TMEM233: variants seen among roughly 807,000 people sequenced by gnomAD.
The protein encoded by TMEM233 is transmembrane protein 233, also known as dispanin subfamily B member 2.
In TMEM233, 6 loss-of-function variants were observed where a neutral mutation model predicts 11.2. That is an observed-to-expected ratio of 0.54 (90% CI 0.29 to 1.06). TMEM233 has a LOEUF of 1.06. TMEM233 is among the 50% of genes least tolerant of loss of function. The probability of loss-of-function intolerance (pLI) is 0.08; values close to 1 mark genes in which losing one functional copy is unlikely to be tolerated. For missense variants in TMEM233, 127 were observed against 144.7 expected (o/e 0.88, Z 0.63); for synonymous variants, 59 against 55.8 (o/e 1.06, Z -0.26).
chr12:119,650,498 C>G, the TMEM233 span, among the ~76,000 whole-genome samples: 1 of 152,256 alleles, frequency 6.6e-6, no homozygotes, highest in East Asian at 1.9e-4. Context: ...TAACAGCGTG[C>G]AATGACCTAA....
At chr12:119,648,752 G>GAATGAATT in the TMEM233 span, among the ~76,000 whole-genome samples, 3 of 152,046 alleles carry the variant, frequency 2.0e-5, no homozygotes, top group African/African-American at 7.3e-5. Flanking sequence ...ATGAATGAAT[G>GAATGAATT]AATTAATTAA....
At position 119,629,815 on chromosome 12, in the gene TMEM233, CCAT is replaced by C; in HGVS notation, c.273_275del (p.Ile92del). Reference sequence around the variant, plus strand: ...AATGCTAAGTGGGTAGCCATCGCCTCCATCATCATTGGCCTTCTCATCATCGGC... The same window carrying C: ...AATGCTAAGTGGGTAGCCATCGCCTCCATCATTGGCCTTCTCATCATCGGC... On this transcript the variant is annotated inframe_deletion, in exon 2 of 3. Transcript: ENST00000426426. 1 of 1,551,704 alleles carries C rather than the reference CCAT, an allele frequency of 6.4e-7. No homozygotes were observed. Among genetic ancestry groups the C allele is most frequent in the Non-Finnish European group, 8.7e-7 (1 of 1,146,980 alleles).
chr12:119,623,816 C>T lies in TMEM233; in HGVS notation c.187-5920C>T, dbSNP rs770057350. On this transcript the variant is annotated intron_variant, in intron 1 of 2. Transcript: ENST00000426426. Reference sequence around the variant, plus strand: ...ACACATTAATTCAATGTGAAGTGGGCGCTATTACTATTGCCCCCGATTTAC... The same window carrying T: ...ACACATTAATTCAATGTGAAGTGGGTGCTATTACTATTGCCCCCGATTTAC... Among the ~76,000 whole-genome samples the T allele has an allele frequency of 2.6e-5, 4 of 152,112 alleles. No individual in the cohort carries two copies. In the East Asian group the frequency reaches 5.8e-4, roughly 22 times the overall value.
intron 1 of TMEM233, among the ~76,000 whole-genome samples, chr12:119,604,486 C>T (rs1440029739): frequency 2.0e-5 from 3 of 152,158 alleles, no homozygotes; most frequent in East Asian, 3.9e-4. Flanking sequence ...CTTAATAATA[C>T]TTTGATTCTC....
At chr12:119,645,421 G>C (rs748621602), downstream of TMEM233, among the ~76,000 whole-genome samples, 13 of 151,094 alleles carry the variant, frequency 8.6e-5, no homozygotes, top group Non-Finnish European at 1.2e-4. Flanking sequence ...TAAGTCTGGG[G>C]AATTGCCCTA....
At chr12:119,630,870 C>G (rs1415021858) in intron 2 of TMEM233, among the ~76,000 whole-genome samples, 1 of 152,216 alleles carries the variant, frequency 6.6e-6, no homozygotes, top group African/African-American at 2.4e-5. Context: ...ACTAGCATAA[C>G]TGTTTTAGTT....
At chr12:119,626,524 GGAGAAGGGAGAAGGGAGAAGAGAA>G (rs1954764556) in intron 1 of TMEM233, among the ~76,000 whole-genome samples, 1 of 32,370 alleles carries the variant, frequency 3.1e-5, no homozygotes, top group African/African-American at 1.1e-4. Context: ...GGAGGAGAAG[GGAGAAGGGAGAAGGGAGAAGAGAA>G]GAGAAGAGAA....
intron 1 of TMEM233, among the ~76,000 whole-genome samples, chr12:119,624,838 T>C (rs910874364): frequency 2.0e-5 from 3 of 152,180 alleles, no homozygotes; most frequent in African/African-American, 7.2e-5. Flanking sequence ...GATTAAATTG[T>C]AGGCATATTT....
intron 2 of TMEM233, chr12:119,631,477 G>A: frequency 2.0e-6 from 2 of 985,100 alleles, no homozygotes; most frequent in Non-Finnish European, 2.4e-6. Flanking sequence ...AAATTAAATG[G>A]CTTTGGCCAA....
intron 1 of TMEM233, 42 bp from the exon 2 acceptor site, chr12:119,629,694 T>A (rs1954838217): frequency 6.6e-7 from 1 of 1,524,934 alleles, no homozygotes; most frequent in Admixed American, 2.1e-5. Context: ...CCTTTCCCTG[T>A]GGGTTATCTG....
At chr12:119,614,039 G>T (rs1205487004) in intron 1 of TMEM233, among the ~76,000 whole-genome samples, 2 of 152,010 alleles carry the variant, frequency 1.3e-5, no homozygotes, top group African/African-American at 4.8e-5. Flanking sequence ...CTGCAGGGTT[G>T]GGAAGGGCAG....
chr12:119,624,090 C>T (rs1352813943), intron 1 of TMEM233, among the ~76,000 whole-genome samples: 1 of 152,028 alleles, frequency 6.6e-6, no homozygotes, highest in African/African-American at 2.4e-5. Flanking sequence ...TGGCTCATGC[C>T]TGTAATCCCA....
At chr12:119,615,776 G>A (rs140750714) in intron 1 of TMEM233, among the ~76,000 whole-genome samples, 292 of 152,262 alleles carry the variant, frequency 1.9e-3, no homozygotes, top group Middle Eastern at 0.01. Flanking sequence ...TAGCTTTGCC[G>A]TCTGGTGTGA....
chr12:119,618,617 T>G (rs796167207), intron 1 of TMEM233, among the ~76,000 whole-genome samples: 11 of 152,210 alleles, frequency 7.2e-5, no homozygotes, highest in African/African-American at 2.7e-4. Flanking sequence ...ATTTTGGAAA[T>G]TTAATGTTTA....
rs1566093831 is a variant in TMEM233 at position 119,595,845 on chromosome 12, A to T, written c.186+1811A>T. Among the ~76,000 whole-genome samples, 1 of 152,210 alleles carries T rather than the reference A, an allele frequency of 6.6e-6. No homozygotes were observed. The highest frequency in any genetic ancestry group is 1.5e-5 in the Non-Finnish European group (1 of 68,028). ...CAAATTACTTCTCTCCATCTGATAT[A>T]GTATTTTAATTATTTGTATGTTTAC... On this transcript the variant is annotated intron_variant, in intron 1 of 2. Coordinates refer to ENST00000426426, the MANE Select transcript of TMEM233 (RefSeq NM_001136534.3). This position sits in a 1 kb window ranked among gnomAD's most constrained non-coding sequence, Gnocchi z 4.3.
At chr12:119,608,086 G>C (rs1212606472) in intron 1 of TMEM233, among the ~76,000 whole-genome samples, 3 of 152,202 alleles carry the variant, frequency 2.0e-5, no homozygotes, top group African/African-American at 7.2e-5. Flanking sequence ...AATGCTTGGA[G>C]AGTTAACACA....
In TMEM233 at chr12:119,629,859, C is replaced by T. The variant is rs1566111483; in HGVS notation, c.310C>T (p.His104Tyr). ...CATCATCGGCATTTCTTGTGCAGTT[C>T]ACTTCACAAGGAAGTAAGTAGGCTT... ...LLIIGISCAVHFTRNA is the reference protein window; with the variant it reads ...LLIIGISCAVYFTRNA The change falls in exon 2 of 3, where the codon CAC (histidine) becomes TAC (tyrosine). Residue 104 changes from histidine to tyrosine, a missense_variant. Coordinates refer to ENST00000426426, the MANE Select transcript of TMEM233 (RefSeq NM_001136534.3). The T allele has an allele frequency of 6.4e-7, 1 of 1,550,866 alleles. No individual in the cohort carries two copies. Among genetic ancestry groups the T allele is most frequent in the Non-Finnish European group, 8.7e-7 (1 of 1,146,734 alleles).
At chr12:119,616,571 T>C (rs563671128) in intron 1 of TMEM233, among the ~76,000 whole-genome samples, 1 of 152,222 alleles carries the variant, frequency 6.6e-6, no homozygotes, top group East Asian at 1.9e-4. Context: ...GGAGGAAAGG[T>C]GCGACTTACA....
At chr12:119,614,068 C>T (rs1954470403) in intron 1 of TMEM233, among the ~76,000 whole-genome samples, 3 of 151,990 alleles carry the variant, frequency 2.0e-5, no homozygotes, top group Admixed American at 1.3e-4. Flanking sequence ...ATGTGAGTTT[C>T]TCCCAGGGAA....
Sources: gnomAD v4.1 joint callset for allele counts (sites outside exome capture counted in the v4.1 genomes callset) on GRCh38, gnomAD v4.1.1 for gene constraint, Gnocchi (gnomAD v3.1) non-coding constraint, MANE v1.5 for transcripts, NCBI Gene and HGNC (gene_info 2026-07-23, HGNC 2026-07-21) for gene names.